PCDH11X: variants seen among roughly 807,000 people sequenced by gnomAD.
PCDH11X encodes the protein protocadherin 11 X-linked, also known as protocadherin-11 X-linked.
Under a neutral mutation model 53.3 loss-of-function variants are expected in PCDH11X, and 18 were observed. That is an observed-to-expected ratio of 0.34 (90% CI 0.23 to 0.50). The LOEUF is 0.50. Among genes scored for constraint, PCDH11X ranks in the 20% least tolerant of loss-of-function variants. PCDH11X has a pLI of 0.98. For synonymous variants in PCDH11X, 279 were observed against 393.3 expected (o/e 0.71, Z 3.44); for missense variants, 570 against 1,032.4 (o/e 0.55, Z 6.14).
At chrX:91,945,048 C>CATATATATATATATATATATATAT (rs754168068) in intron 6 of PCDH11X, among the ~76,000 whole-genome samples, 85 of 62,657 alleles carry the variant, frequency 1.4e-3, no homozygotes, top group Non-Finnish European at 1.7e-3. Flanking sequence ...ACATCATATA[C>CATATATATATATATATATATATAT]ATATATATAT....
chrX:92,260,510 C>G (rs544741767), intron 7 of PCDH11X, among the ~76,000 whole-genome samples: 15 of 110,839 alleles, frequency 1.4e-4, no homozygotes, highest in African/African-American at 4.6e-4. Context: ...TTTTTTCTAT[C>G]GCTCCAATGC....
intron 4 of PCDH11X, among the ~76,000 whole-genome samples, chrX:91,815,837 A>G (rs1392557851): frequency 9.1e-6 from 1 of 110,277 alleles, no homozygotes; most frequent in Non-Finnish European, 1.9e-5. Flanking sequence ...CTAATTAAGC[A>G]ACATTATATA....
At chrX:92,403,270 C>G (rs774370878) in intron 9 of PCDH11X, among the ~76,000 whole-genome samples, 10 of 100,378 alleles carry the variant, frequency 1.0e-4, no homozygotes, top group African/African-American at 3.7e-4. Context: ...TGTGTCATTA[C>G]TGTGTGTTCT....
chrX:91,782,964 A>C (rs1290925631), intron 1 of PCDH11X, among the ~76,000 whole-genome samples: 1 of 111,724 alleles, frequency 9.0e-6, no homozygotes, highest in African/African-American at 3.3e-5. Context: ...GGGCAGAGGC[A>C]GGGCGTGTAG....
chrX:92,204,322 C>A (rs1057327683), intron 7 of PCDH11X, among the ~76,000 whole-genome samples: 1 of 112,169 alleles, frequency 8.9e-6, no homozygotes, highest in Non-Finnish European at 1.9e-5. Flanking sequence ...AAATTTTATG[C>A]TCTGCTTCCT....
Position 91,917,294 on chromosome X carries a change from A to T in PCDH11X, c.3033+38021A>T, listed in dbSNP as rs1477929211. Reference sequence around the variant, plus strand: ...TTTTACCACTTCTCTTCAAAATAGGACTGGGAGTCCTACCAGATCAATCAG... The same window carrying T: ...TTTTACCACTTCTCTTCAAAATAGGTCTGGGAGTCCTACCAGATCAATCAG... On this transcript the variant is annotated intron_variant, in intron 6 of 10. Transcript: ENST00000682573. 2.8e-5 allele frequency among the ~76,000 whole-genome samples: 3 copies of T among 106,629 alleles called. No homozygotes were observed. The Admixed American group carries it at 3.1e-4, about 11-fold the overall frequency. 92.6% of individuals were successfully genotyped at this position (106,629 alleles called of 115,157 possible).
chrX:92,540,357 G>C (rs978499631), intron 10 of PCDH11X, among the ~76,000 whole-genome samples: 26 of 108,660 alleles, frequency 2.4e-4, no homozygotes, highest in African/African-American at 8.4e-4. Flanking sequence ...AGCCCATAAG[G>C]CGTTCTGCCA....
At chrX:92,518,646 C>T (rs1402937973) in intron 10 of PCDH11X, among the ~76,000 whole-genome samples, 3 of 110,821 alleles carry the variant, frequency 2.7e-5, no homozygotes, top group African/African-American at 9.8e-5. Context: ...TATATCCTAG[C>T]TTGGCCTGTT....
At chrX:92,396,296 A>C (rs1382988618) in intron 9 of PCDH11X, among the ~76,000 whole-genome samples, 2 of 102,306 alleles carry the variant, frequency 2.0e-5, no homozygotes, top group Non-Finnish European at 4.0e-5. Flanking sequence ...TCTTTTATGC[A>C]TTCTGCTGTA....
At chrX:92,302,228 C>A (rs2068739152) in intron 8 of PCDH11X, among the ~76,000 whole-genome samples, 1 of 111,091 alleles carries the variant, frequency 9.0e-6, no homozygotes, top group African/African-American at 3.3e-5. Context: ...AGATAGCACT[C>A]CCACTGGGAG....
At chrX:91,802,424 C>T (rs1230552824) in intron 1 of PCDH11X, among the ~76,000 whole-genome samples, 1 of 111,757 alleles carries the variant, frequency 8.9e-6, no homozygotes. Context: ...CTTTTAACAG[C>T]TCTCAAATAA....
intron 7 of PCDH11X, among the ~76,000 whole-genome samples, chrX:92,217,966 C>T (rs868583892): frequency 5.5e-4 from 59 of 107,761 alleles, no homozygotes; most frequent in African/African-American, 1.1e-3. Context: ...GGGTACATAA[C>T]GAAATGAAGG....
At chrX:92,099,154 A>C (rs1176075000) in intron 6 of PCDH11X, among the ~76,000 whole-genome samples, 7 of 110,023 alleles carry the variant, frequency 6.4e-5, no homozygotes, top group African/African-American at 2.4e-4. Flanking sequence ...CTTTTCTGTT[A>C]GAATTATCTA....
rs771174399 is a variant in PCDH11X at position 91,879,215 on chromosome X, C to T, written c.2975C>T (p.Ser992Phe). ...SSSSSDPYSV[S>F]DCGYPVTTFE... ...AGCAGTTCAGATCCCTACAGCGTTT[C>T]TGACTGTGGCTATCCAGTGACGACC... is the stretch of plus-strand genomic sequence containing the variant. Residue 992 changes from serine to phenylalanine, a missense_variant, in exon 6 of 11, where the codon TCT (serine) becomes TTT (phenylalanine). Physicochemically the swap from Ser to Phe is radical, Grantham distance 155. Coordinates refer to ENST00000682573, the MANE Select transcript of PCDH11X (RefSeq NM_032968.5). 52 of 1,210,010 alleles carry T rather than the reference C, an allele frequency of 4.3e-5. No homozygotes were observed. The highest frequency in any genetic ancestry group is 3.3e-4 in the East Asian group (11 of 33,765).
intron 8 of PCDH11X, among the ~76,000 whole-genome samples, chrX:92,328,433 A>T (rs1025370482): frequency 9.0e-6 from 1 of 111,347 alleles, no homozygotes; most frequent in Non-Finnish European, 1.9e-5. Flanking sequence ...AGCAGAAGAA[A>T]AAAAGTAATA....
intron 7 of PCDH11X, among the ~76,000 whole-genome samples, chrX:92,206,266 C>T (rs1404451654): frequency 9.0e-6 from 1 of 111,592 alleles, no homozygotes; most frequent in East Asian, 2.8e-4. Flanking sequence ...AAATAAAATA[C>T]TTATTTCATG....
chrX:91,965,679 T>C (rs36012059), intron 6 of PCDH11X, among the ~76,000 whole-genome samples: 11,652 of 110,710 alleles, frequency 0.11, 1,646 homozygotes, highest in African/African-American at 0.36. Flanking sequence ...TTATATCTAT[T>C]TCTTAATAAA....
chrX:91,822,212 T>C (rs1362449283), intron 4 of PCDH11X, among the ~76,000 whole-genome samples: 1 of 109,846 alleles, frequency 9.1e-6, no homozygotes, highest in African/African-American at 3.4e-5. Context: ...GAGGATTCTC[T>C]CTTTCTCTAT....
chrX:91,988,949 G>A (rs1209553645), intron 6 of PCDH11X, among the ~76,000 whole-genome samples: 1 of 111,464 alleles, frequency 9.0e-6, no homozygotes, highest in East Asian at 2.8e-4. Context: ...GAACCAACTG[G>A]CTGAAGGAAC....
Sources: gnomAD v4.1 joint callset for allele counts (sites outside exome capture counted in the v4.1 genomes callset) on GRCh38, gnomAD v4.1.1 for gene constraint, MANE v1.5 for transcripts, NCBI Gene and HGNC (gene_info 2026-07-23, HGNC 2026-07-21) for gene names.